Variants in CIMIP2A observed in about 807,000 individuals in gnomAD.
CIMIP2A encodes ciliary microtubule inner protein 2A.
At chr9:137,252,282 G>A in the CIMIP2A span, 3 of 1,346,392 alleles carry the variant, frequency 2.2e-6, no homozygotes, top group South Asian at 2.8e-5. Context: ...CCTGTAAGGA[G>A]GCCTGGAGAG....
At chr9:137,253,091 G>A in the CIMIP2A span, 1 of 1,545,500 alleles carries the variant, frequency 6.5e-7, no homozygotes, top group South Asian at 1.2e-5. Context: ...CCTGGGTGGG[G>A]CTCCCAGCCT....
the CIMIP2A span, among the ~76,000 whole-genome samples, chr9:137,248,918 G>T: frequency 1.3e-5 from 2 of 151,906 alleles, no homozygotes; most frequent in Admixed American, 6.6e-5. Flanking sequence ...CTGGAAAAAA[G>T]TTTGCAGTAA....
chr9:137,248,560 A>G, the CIMIP2A span, among the ~76,000 whole-genome samples: 1 of 124,552 alleles, frequency 8.0e-6, no homozygotes, highest in Non-Finnish European at 1.7e-5. Context: ...AAAAAAAAAA[A>G]AGAAAGAAAG....
the CIMIP2A span, chr9:137,252,362 G>C: frequency 6.8e-6 from 10 of 1,481,320 alleles, no homozygotes; most frequent in Non-Finnish European, 8.4e-6. Flanking sequence ...GGTGGGAACC[G>C]GGAGACAGGT....
the CIMIP2A span, chr9:137,245,747 C>T: frequency 6.3e-7 from 1 of 1,594,254 alleles, no homozygotes; most frequent in East Asian, 2.2e-5. Flanking sequence ...GGGGACAGCA[C>T]AGAGCAGGGG....
the CIMIP2A span, chr9:137,250,537 A>G: frequency 6.6e-6 from 1 of 152,550 alleles, no homozygotes; most frequent in Non-Finnish European, 1.5e-5. Flanking sequence ...GCCCTGGTGG[A>G]TTCTGGGCCA....
the CIMIP2A span, chr9:137,245,046 G>T: frequency 6.2e-7 from 1 of 1,610,222 alleles, no homozygotes. Flanking sequence ...GAACCTTGTG[G>T]GGAGGGGCGG....
At chr9:137,249,359 C>T in the CIMIP2A span, among the ~76,000 whole-genome samples, 1 of 152,208 alleles carries the variant, frequency 6.6e-6, no homozygotes, top group Admixed American at 6.5e-5. Flanking sequence ...CAAGACACTG[C>T]AAACTGGGAC....
At chr9:137,253,212 G>C in the CIMIP2A span, 1 of 1,608,810 alleles carries the variant, frequency 6.2e-7, no homozygotes, top group South Asian at 1.1e-5. Flanking sequence ...GCAGACCCAA[G>C]CGCCACGACA....
the CIMIP2A span, chr9:137,252,701 G>A: frequency 1.3e-6 from 2 of 1,551,780 alleles, no homozygotes; most frequent in Non-Finnish European, 8.7e-7. Context: ...CAGCCGGCCC[G>A]CCTTCCCCGC....
the CIMIP2A span, among the ~76,000 whole-genome samples, chr9:137,249,590 T>C: frequency 2.0e-5 from 3 of 152,212 alleles, no homozygotes; most frequent in East Asian, 3.8e-4. Flanking sequence ...CCTTTCTGAC[T>C]GTGGGTCTTA....
chr9:137,244,854 G>T, the CIMIP2A span: 1 of 1,564,118 alleles, frequency 6.4e-7, no homozygotes, highest in Non-Finnish European at 8.6e-7. Flanking sequence ...TTCCCTGAAC[G>T]TTGGCGACTG....
chr9:137,249,355 A>C, the CIMIP2A span, among the ~76,000 whole-genome samples: 6 of 152,220 alleles, frequency 3.9e-5, no homozygotes, highest in African/African-American at 1.4e-4. Context: ...CATACAAGAC[A>C]CTGCAAACTG....
chr9:137,251,629 C>T, the CIMIP2A span: 23 of 1,326,722 alleles, frequency 1.7e-5, no homozygotes, highest in Admixed American at 2.0e-4. Flanking sequence ...CTGTGGGGCA[C>T]GTGGCTGGGA....
chr9:137,252,494 C>A, the CIMIP2A span: 98 of 1,608,732 alleles, frequency 6.1e-5, 1 homozygote, highest in South Asian at 1.1e-3. Context: ...AGCCCCTTCA[C>A]GCAGAAAGCT....
chr9:137,251,345 G>A, the CIMIP2A span: 10 of 1,613,602 alleles, frequency 6.2e-6, no homozygotes, highest in Non-Finnish European at 7.6e-6. Context: ...ATCAATGGAG[G>A]CAAACACTGG....
chr9:137,251,913 C>T, the CIMIP2A span: 1 of 1,601,766 alleles, frequency 6.2e-7, no homozygotes, highest in South Asian at 1.1e-5. Flanking sequence ...AGGGTCCTGG[C>T]CACCCCACCC....
At chr9:137,244,853 C>T in the CIMIP2A span, 112 of 1,564,836 alleles carry the variant, frequency 7.2e-5, no homozygotes, top group South Asian at 4.5e-4. Context: ...GTTCCCTGAA[C>T]GTTGGCGACT....
chr9:137,245,355 C>T, the CIMIP2A span: 1 of 1,608,028 alleles, frequency 6.2e-7, no homozygotes, highest in Admixed American at 1.7e-5. Flanking sequence ...TCTTCCAGGC[C>T]TCTTCCCCGT....
Sources: allele counts gnomAD v4.1 joint callset (sites outside exome capture counted in the v4.1 genomes callset), GRCh38; gene constraint gnomAD v4.1.1; transcripts MANE v1.5; gene names NCBI Gene and HGNC (gene_info 2026-07-23, HGNC 2026-07-21).